The following SNX8 variants were observed in gnomAD, a reference collection of about 807,000 sequenced individuals.
SNX8 encodes sorting nexin 8, also known as sorting nexin-8.
A neutral mutation model predicts 51.6 loss-of-function variants in SNX8; 25 were observed. That is an observed-to-expected ratio of 0.48 (90% confidence interval 0.35 to 0.68). The LOEUF is 0.68. Among genes scored for constraint, SNX8 ranks in the 30% least tolerant of loss-of-function variants. The probability of loss-of-function intolerance (pLI) is 0.00; values close to 1 mark genes in which losing one functional copy is unlikely to be tolerated. For missense variants in SNX8, 695 were observed against 624.0 expected (o/e 1.11, Z -1.21); for synonymous variants, 324 against 277.0 (o/e 1.17, Z -1.68).
chr7:2,336,314 T>C (rs766672790), intron 1 of SNX8, among the ~76,000 whole-genome samples: 2 of 151,978 alleles, frequency 1.3e-5, no homozygotes, highest in Admixed American at 6.6e-5. Flanking sequence ...GGCAGGAGAA[T>C]CGCTTGAACT....
chr7:2,320,783 G>A (rs1050429270), intron 1 of SNX8, among the ~76,000 whole-genome samples: 2 of 152,050 alleles, frequency 1.3e-5, no homozygotes, highest in African/African-American at 4.8e-5. Flanking sequence ...CAATTTGGGA[G>A]GCCGAGGCGG....
intron 1 of SNX8, among the ~76,000 whole-genome samples, chr7:2,311,829 C>T (rs375632235): frequency 2.0e-5 from 3 of 151,426 alleles, no homozygotes; most frequent in African/African-American, 4.8e-5. Flanking sequence ...CCCAGCTACT[C>T]GGGAGGCTGA....
chr7:2,318,918 G>A (rs981403761), upstream of SNX8, among the ~76,000 whole-genome samples: 3 of 151,992 alleles, frequency 2.0e-5, no homozygotes, highest in African/African-American at 7.2e-5. Context: ...CAAGGCAAGA[G>A]GATTGCTTGA....
chr7:2,329,435 G>C (rs943937665), intron 1 of SNX8, among the ~76,000 whole-genome samples: 14 of 152,320 alleles, frequency 9.2e-5, no homozygotes, highest in Admixed American at 9.2e-4. Flanking sequence ...GTGGTGTTAT[G>C]AACTACGTTG....
At chr7:2,312,747 C>T (rs1562453546) in intron 1 of SNX8, among the ~76,000 whole-genome samples, 1 of 151,400 alleles carries the variant, frequency 6.6e-6, no homozygotes, top group Non-Finnish European at 1.5e-5. Flanking sequence ...GGGGATTCCC[C>T]AATCTTGTCC....
At position 2,304,372 on chromosome 7, in the gene SNX8, A is replaced by G. The variant is rs191013920; in HGVS notation, c.94+9956T>C. 5.3e-3 allele frequency among the ~76,000 whole-genome samples: 777 copies of G among 147,240 alleles called. 3 individuals are homozygous for G. Among genetic ancestry groups the G allele is most frequent in the East Asian group, 6.1e-3 (29 of 4,766 alleles). On this transcript the variant is annotated intron_variant, in intron 1 of 10. Coordinates refer to ENST00000222990, the MANE Select transcript of SNX8 (RefSeq NM_013321.4). ...ATCCTGGCTAACAGGGTGAAACCCC[A>G]TCTCCACTAAAAATACAAAAAATTA... is the stretch of plus-strand genomic sequence containing the variant.
At chr7:2,313,535 AAAAAG>A (rs1440318716) in intron 1 of SNX8, among the ~76,000 whole-genome samples, 7 of 149,502 alleles carry the variant, frequency 4.7e-5, no homozygotes, top group African/African-American at 7.5e-5. Context: ...AAAAAAAAAA[AAAAAG>A]AAAAGAAAAG....
Position 2,264,365 on chromosome 7 carries a change from C to A in SNX8, c.715G>T (p.Ala239Ser). ...YNSFHKLRDR[A>S]ERIASRAIDN... ...ATGGCCCGCGATGCGATCCGCTCGGCCCTGTCGCGAAGCTTGTGAAAGCTA... is the reference window on the plus strand; with the variant it reads ...ATGGCCCGCGATGCGATCCGCTCGGACCTGTCGCGAAGCTTGTGAAAGCTA... Residue 239 changes from alanine to serine, a missense_variant, in exon 6 of 11, where the codon GCC becomes TCC. Physicochemically the swap from Ala to Ser is moderately conservative, Grantham distance 99 (BLOSUM62 1). Transcript: ENST00000222990. 1.2e-6 allele frequency: 2 copies of A among 1,612,950 alleles called. No homozygotes were observed. Among genetic ancestry groups the A allele is most frequent in the Non-Finnish European group, 8.5e-7 (1 of 1,180,008 alleles).
At chr7:2,316,998 T>C (rs545508199), upstream of SNX8, among the ~76,000 whole-genome samples, 1 of 152,278 alleles carries the variant, frequency 6.6e-6, no homozygotes, top group African/African-American at 2.4e-5. Context: ...AGCAAGGCTG[T>C]GCAACACACC....
chr7:2,352,320 GC>G (rs953133273), intron 1 of SNX8, among the ~76,000 whole-genome samples: 3 of 151,810 alleles, frequency 2.0e-5, no homozygotes, highest in Non-Finnish European at 4.4e-5. Flanking sequence ...AAACACAGTA[GC>G]CCCCCCGACC....
rs114578196 is a variant in SNX8 at position 2,326,698 on chromosome 7, T to G, written c.-66+27524A>C. The stretch of plus-strand genomic sequence containing the variant: ...AATAATAATAATTAATTGAATTAAA[T>G]AAATTAAAGGGATAAAATGTTGTGA... On this transcript the variant is annotated intron_variant, in intron 1 of 5. Coordinates refer to the SNX8 transcript ENST00000435336. Among the ~76,000 whole-genome samples, 724 of 152,102 alleles carry G rather than the reference T, an allele frequency of 4.8e-3. 3 individuals are homozygous for G. Among genetic ancestry groups the G allele is most frequent in the African/African-American group, 0.016 (675 of 41,526 alleles).
At chr7:2,350,301 C>G (rs1779111935) in intron 1 of SNX8, among the ~76,000 whole-genome samples, 1 of 152,204 alleles carries the variant, frequency 6.6e-6, no homozygotes, top group Admixed American at 6.6e-5. Context: ...TCGGCCCAGT[C>G]TCCGGGCTCA....
chr7:2,282,511 C>T (rs1027735164), intron 1 of SNX8, among the ~76,000 whole-genome samples: 2 of 152,322 alleles, frequency 1.3e-5, no homozygotes, highest in Non-Finnish European at 1.5e-5. Context: ...AATCTCCAAG[C>T]GAGTTATCCA....
intron 1 of SNX8, among the ~76,000 whole-genome samples, chr7:2,303,050 G>A (rs1039798381): frequency 6.6e-6 from 1 of 151,166 alleles, no homozygotes; most frequent in Non-Finnish European, 1.5e-5. Flanking sequence ...CCGTCCAGGA[G>A]GGAGGTGGGG....
At position 2,274,206 on chromosome 7, in the gene SNX8, C is replaced by T. The variant is rs747363105; in HGVS notation, c.418+906G>A. Among the ~76,000 whole-genome samples the T allele has an allele frequency of 9.5e-4, 145 of 152,222 alleles. 3 individuals carry two copies. Among genetic ancestry groups the T allele is most frequent in the Non-Finnish European group, 3.5e-4 (24 of 68,038 alleles). On this transcript the variant is annotated intron_variant, in intron 3 of 10. Transcript: ENST00000222990. ...TGATCTGCTCTGTGGCCTTCACATGCGGCGGGGTGAAAATCACATCATCAG... is the reference window on the plus strand; with the variant it reads ...TGATCTGCTCTGTGGCCTTCACATGTGGCGGGGTGAAAATCACATCATCAG...
At chr7:2,257,661 G>A in intron 8 of SNX8, 74 bp downstream of exon 8, 1 of 1,575,788 alleles carries the variant, frequency 6.3e-7, no homozygotes, top group Non-Finnish European at 8.7e-7. Flanking sequence ...CGTCCCCCAG[G>A]AGTTAGACCC....
chr7:2,335,619 G>T (rs1025128641), intron 1 of SNX8, among the ~76,000 whole-genome samples: 1 of 151,884 alleles, frequency 6.6e-6, no homozygotes, highest in East Asian at 1.9e-4. Flanking sequence ...TGGTTAACAC[G>T]GTGAAACCCC....
intron 1 of SNX8, among the ~76,000 whole-genome samples, chr7:2,304,972 T>C (rs1172926107): frequency 6.6e-6 from 1 of 152,202 alleles, no homozygotes; most frequent in Non-Finnish European, 1.5e-5. Context: ...CCTTGACAGC[T>C]TTGGCCAGAG....
chr7:2,252,071 AC>A lies in SNX8; in HGVS notation c.*2984del, dbSNP rs1795045504. On this transcript the variant is annotated 3_prime_UTR_variant, in exon 11 of 11. Transcript: ENST00000222990. ...ACCCCGAGTACCCAGGACACGGACC[AC>A]GAGGACCCAATGAAAATGTCCCCTT... 1 of 152,094 alleles carries A rather than the reference AC, an allele frequency of 6.6e-6. No individual in the cohort carries two copies. Among genetic ancestry groups the A allele is most frequent in the African/African-American group, 2.4e-5 (1 of 41,310 alleles). 9.4% of individuals were successfully genotyped at this position (152,094 alleles called of 1,614,324 possible).
Sources: gnomAD v4.1 joint callset for allele counts (sites outside exome capture counted in the v4.1 genomes callset) on GRCh38, gnomAD v4.1.1 for gene constraint, MANE v1.5 for transcripts, NCBI Gene and HGNC (gene_info 2026-07-23, HGNC 2026-07-21) for gene names.